MTNR1B: variants seen among roughly 807,000 people sequenced by gnomAD.
MTNR1B encodes melatonin receptor type 1B.
In MTNR1B, 7 loss-of-function variants were observed where a neutral mutation model predicts 7.0. The observed-to-expected ratio is 1.00, with a 90% CI of 0.57 to 1.88. The LOEUF (loss-of-function observed/expected upper bound fraction) is 1.88, where lower values mean the gene tolerates loss of function less well. Among genes scored for constraint, MTNR1B ranks in the 40% most tolerant of loss-of-function variants. The probability of loss-of-function intolerance (pLI) is 0.00; values close to 1 mark genes in which losing one functional copy is unlikely to be tolerated. For synonymous variants in MTNR1B, 226 were observed against 208.2 expected (o/e 1.09, Z -0.74); for missense variants, 478 against 486.5 (o/e 0.98, Z 0.16).
chr11:92,984,466 T>TCTCTTTGAGC (rs1159332967), downstream of MTNR1B, among the ~76,000 whole-genome samples: 3 of 64,834 alleles, frequency 4.6e-5, no homozygotes, highest in Non-Finnish European at 8.6e-5. Flanking sequence ...TCCTAAGGAT[T>TCTCTTTGAGC]CTCAGCCACT....
intron 1 of MTNR1B, among the ~76,000 whole-genome samples, chr11:92,977,140 AGTG>A (rs1158122090): frequency 6.6e-6 from 1 of 152,232 alleles, no homozygotes; most frequent in Non-Finnish European, 1.5e-5. Context: ...TCTTCTTTTA[AGTG>A]GTTGAAATAC....
At position 92,981,518 on chromosome 11, in the gene MTNR1B, G is replaced by C; in HGVS notation, c.295G>C (p.Val99Leu). 6.2e-7 allele frequency: 1 copy of C among 1,614,124 alleles called. No individual in the cohort carries two copies. Among genetic ancestry groups the C allele is most frequent in the South Asian group, 1.1e-5 (1 of 91,070 alleles). Reference sequence around the variant, plus strand: ...CTTCTACCCCTACCCGCTAATCCTCGTGGCCATCTTCTATGACGGCTGGGC... The same window carrying C: ...CTTCTACCCCTACCCGCTAATCCTCCTGGCCATCTTCTATGACGGCTGGGC... ...VAFYPYPLIL[V>L]AIFYDGWALG... Residue 99 changes from valine to leucine, a missense_variant, in exon 2 of 2, where the codon GTG becomes CTG. Physicochemically the swap from Val to Leu is conservative, Grantham distance 32. Transcript: ENST00000257068.
downstream of MTNR1B, chr11:92,984,829 C>A (rs1178779376): frequency 4.4e-6 from 2 of 453,300 alleles, no homozygotes; most frequent in South Asian, 1.6e-5. Flanking sequence ...AAACCAGGAG[C>A]TGAGAGAATC....
chr11:92,983,194 G>A (rs372269791), downstream of MTNR1B, among the ~76,000 whole-genome samples: 2 of 152,230 alleles, frequency 1.3e-5, no homozygotes, highest in African/African-American at 4.8e-5. Flanking sequence ...CTAGCAGGCA[G>A]TAATCATTAG....
downstream of MTNR1B, among the ~76,000 whole-genome samples, chr11:92,983,518 C>T (rs1192022864): frequency 1.7e-4 from 19 of 114,442 alleles, no homozygotes; most frequent in East Asian, 2.3e-3. Context: ...GACCCTGTCT[C>T]AGAAAAAAAA....
At chr11:92,972,587 A>T in intron 1 of MTNR1B, 1 of 455,168 alleles carries the variant, frequency 2.2e-6, no homozygotes. Flanking sequence ...GACCCAACTT[A>T]AAAGGTAAGG....
At chr11:92,971,253 G>A (rs1857918062) in intron 1 of MTNR1B, among the ~76,000 whole-genome samples, 1 of 152,068 alleles carries the variant, frequency 6.6e-6, no homozygotes, top group African/African-American at 2.4e-5. Flanking sequence ...GAGCCACTGC[G>A]CCCGGCCAAC....
At chr11:92,982,791 C>T, downstream of MTNR1B, 1 of 194,656 alleles carries the variant, frequency 5.1e-6, no homozygotes, top group Admixed American at 5.3e-5. Flanking sequence ...GCAAGCATTC[C>T]ACACTCCGCC....
At chr11:92,983,084 T>C (rs548180366), downstream of MTNR1B, among the ~76,000 whole-genome samples, 2 of 152,028 alleles carry the variant, frequency 1.3e-5, no homozygotes, top group Non-Finnish European at 2.9e-5. Flanking sequence ...AGTTTACTCA[T>C]CTTAAAGTGA....
At chr11:92,982,933 T>C (rs187506160), downstream of MTNR1B, among the ~76,000 whole-genome samples, 3 of 88,026 alleles carry the variant, frequency 3.4e-5, no homozygotes, top group African/African-American at 9.2e-5. Flanking sequence ...ACAAACACAC[T>C]GCACCCCCCC....
At position 92,982,447 on chromosome 11, in the gene MTNR1B, T is replaced by C; in HGVS notation, c.*135T>C. On this transcript the variant is annotated 3_prime_UTR_variant, in exon 2 of 2. Coordinates refer to ENST00000257068, the MANE Select transcript of MTNR1B (RefSeq NM_005959.5). ...TCACAGCCCCAAGGCTGGGGGAACT[T>C]CATGCTGGGACAAGCAGCCCATCAA... 2 of 1,108,566 alleles carry C rather than the reference T, an allele frequency of 1.8e-6. No homozygotes were observed. The highest frequency in any genetic ancestry group is 2.5e-6 in the Non-Finnish European group (2 of 798,032). The allele number at this position is 1,108,566 out of a possible 1,614,324, so 68.7% of individuals were successfully genotyped here.
At position 92,969,709 on chromosome 11, in the gene MTNR1B, G is replaced by A. The variant is rs1308664268; in HGVS notation, c.-17G>A. ...GGGGCCGCGCGGTGGCCAAAGCACAGCGCGGGAGAGTCTGCGATGTCAGAG... is the reference window on the plus strand; with the variant it reads ...GGGGCCGCGCGGTGGCCAAAGCACAACGCGGGAGAGTCTGCGATGTCAGAG... On this transcript the variant is annotated 5_prime_UTR_variant, in exon 1 of 2. Coordinates refer to ENST00000257068, the MANE Select transcript of MTNR1B (RefSeq NM_005959.5). 4 of 1,458,880 alleles carry A rather than the reference G, an allele frequency of 2.7e-6. No homozygotes were observed. The African/African-American group carries it at 4.3e-5, about 16-fold the overall frequency. The allele number at this position is 1,458,880 out of a possible 1,614,324, so 90.4% of individuals were successfully genotyped here.
chr11:92,981,304 A>G (rs1336532583), intron 1 of MTNR1B, 143 bp from the exon 2 acceptor site: 3 of 1,185,142 alleles, frequency 2.5e-6, no homozygotes, highest in Admixed American at 4.6e-5. Context: ...GCAGAAATGC[A>G]ATCTGAGTCT....
At chr11:92,981,354 C>T (rs2136517599) in intron 1 of MTNR1B, 93 bp from the exon 2 acceptor site, 5 of 1,509,018 alleles carry the variant, frequency 3.3e-6, no homozygotes, top group East Asian at 2.3e-5. Context: ...TTTCCACTCA[C>T]ATTGCCAAAA....
chr11:92,973,185 G>T (rs1406173873), intron 1 of MTNR1B, among the ~76,000 whole-genome samples: 3 of 151,918 alleles, frequency 2.0e-5, no homozygotes, highest in African/African-American at 7.3e-5. Context: ...GTCATCTTTG[G>T]TTCCTCCTAC....
Position 92,970,032 on chromosome 11 carries a change from G to C in MTNR1B, c.223+84G>C, listed in dbSNP as rs74691058. On this transcript the variant is annotated intron_variant, in intron 1 of 1. Transcript: ENST00000257068. ...TGTCCCTGACCCCGGGATATGCGCT[G>C]CCTTTTCCCTCCTCAGCCCGGGCTC... is the stretch of plus-strand genomic sequence containing the variant. 276 of 1,379,778 alleles carry C rather than the reference G, an allele frequency of 2.0e-4. 1 individual carries two copies. In the African/African-American group the frequency reaches 3.3e-3, roughly 16 times the overall value. The allele number at this position is 1,379,778 out of a possible 1,614,324, so 85.5% of individuals were successfully genotyped here. A position where few individuals can be genotyped will look rare whatever the true frequency, so the allele number is the denominator to read the frequency against.
chr11:92,975,795 T>C (rs79354397), intron 1 of MTNR1B, among the ~76,000 whole-genome samples: 4,131 of 152,282 alleles, frequency 0.027, 80 homozygotes, highest in Middle Eastern at 0.054. Context: ...AGTTATAGAA[T>C]GAAGTGGAGC....
rs573502291 is a variant in MTNR1B at position 92,975,104 on chromosome 11, G to A, written c.223+5156G>A. Among the ~76,000 whole-genome samples the A allele has an allele frequency of 4.0e-4, 61 of 152,324 alleles. 1 individual carries two copies. The highest frequency in any genetic ancestry group is 1.3e-3 in the African/African-American group (56 of 41,572). ...AGCCCCTTTCTTGGTCTGGCCCGAG[G>A]TGGCCACTTTTAAGCTGCCTGTAAT... On this transcript the variant is annotated intron_variant, in intron 1 of 1. Transcript: ENST00000257068.
chr11:92,981,281 T>C (rs960854246), intron 1 of MTNR1B, among the ~76,000 whole-genome samples, 166 bp from the exon 2 acceptor site: 2 of 152,204 alleles, frequency 1.3e-5, no homozygotes, highest in East Asian at 3.9e-4. Flanking sequence ...CTCAGTCATA[T>C]AGCTAGTGAG....
Sources: allele counts gnomAD v4.1 joint callset (sites outside exome capture counted in the v4.1 genomes callset), GRCh38; gene constraint gnomAD v4.1.1; transcripts MANE v1.5; gene names NCBI Gene and HGNC (gene_info 2026-07-23, HGNC 2026-07-21).